Variants in SCAPER observed in about 807,000 individuals in gnomAD.
SCAPER encodes the protein S-phase cyclin A associated protein in the ER, also known as S phase cyclin A-associated protein in the endoplasmic reticulum.
Under a neutral mutation model 182.2 loss-of-function variants are expected in SCAPER, and 98 were observed. The observed-to-expected ratio is 0.54, with a 90% confidence interval of 0.46 to 0.64. The LOEUF is 0.64. SCAPER is among the 30% of genes least tolerant of loss of function. The pLI, the probability that SCAPER is intolerant of heterozygous loss-of-function variation, is 0.00. For synonymous variants in SCAPER, 605 were observed against 564.6 expected, an observed-to-expected ratio of 1.07 and a Z score of -1.01; for missense variants, 1,432 against 1,690.0, an observed-to-expected ratio of 0.85 and a Z score of 2.68.
chr15:76,520,678 A>T (rs998144512), intron 23 of SCAPER, among the ~76,000 whole-genome samples: 8 of 152,056 alleles, frequency 5.3e-5, no homozygotes, highest in African/African-American at 1.4e-4. Context: ...ACTGTCTCAT[A>T]TCACAACAGC....
chr15:76,648,523 CA>C (rs1214831814), intron 21 of SCAPER, among the ~76,000 whole-genome samples: 1 of 152,120 alleles, frequency 6.6e-6, no homozygotes, highest in African/African-American at 2.4e-5. Context: ...CTCACAGATT[CA>C]AAAAGCTAAA....
At chr15:76,505,274 A>G (rs909881841) in intron 23 of SCAPER, among the ~76,000 whole-genome samples, 2 of 152,184 alleles carry the variant, frequency 1.3e-5, no homozygotes, top group African/African-American at 4.8e-5. Context: ...AAGCTTCTGC[A>G]CAGCAAAGGA....
chr15:76,569,252 A>T (rs906584124), intron 23 of SCAPER, among the ~76,000 whole-genome samples: 1 of 152,146 alleles, frequency 6.6e-6, no homozygotes, highest in South Asian at 2.1e-4. Flanking sequence ...ATGAATCTTT[A>T]TCATTAATTG....
intron 21 of SCAPER, among the ~76,000 whole-genome samples, chr15:76,644,357 T>G (rs2054361140): frequency 6.6e-6 from 1 of 152,218 alleles, no homozygotes; most frequent in Non-Finnish European, 1.5e-5. Context: ...TAAAAATGTG[T>G]TATTCATGTG....
intron 26 of SCAPER, among the ~76,000 whole-genome samples, chr15:76,430,374 C>T (rs368092593): frequency 3.3e-5 from 5 of 152,172 alleles, no homozygotes; most frequent in African/African-American, 1.2e-4. Flanking sequence ...GCTTGCACCA[C>T]GTGCCTGGAA....
chr15:76,365,084 G>T (rs936500354), intron 29 of SCAPER, among the ~76,000 whole-genome samples: 1 of 152,132 alleles, frequency 6.6e-6, no homozygotes, highest in African/African-American at 2.4e-5. Flanking sequence ...TATCCTGGAT[G>T]TCTGGAACAG....
intron 29 of SCAPER, among the ~76,000 whole-genome samples, chr15:76,361,977 A>AT (rs879355870): frequency 0.01 from 1,444 of 143,994 alleles, 4 homozygotes; most frequent in African/African-American, 0.024. Context: ...TGTTAAACAC[A>AT]TTTTTTTTTT....
At chr15:76,459,099 A>C (rs2048958782) in intron 25 of SCAPER, among the ~76,000 whole-genome samples, 2 of 151,920 alleles carry the variant, frequency 1.3e-5, no homozygotes, top group Non-Finnish European at 2.9e-5. Flanking sequence ...CTATGTTGCC[A>C]AGGCTGGTCT....
intron 20 of SCAPER, among the ~76,000 whole-genome samples, chr15:76,674,158 T>C (rs1192604520): frequency 1.3e-5 from 2 of 152,110 alleles, no homozygotes; most frequent in Non-Finnish European, 2.9e-5. Flanking sequence ...AAATAATAAA[T>C]GAAAATGAAA....
At chr15:76,442,514 C>G (rs1596644164) in intron 25 of SCAPER, among the ~76,000 whole-genome samples, 1 of 152,304 alleles carries the variant, frequency 6.6e-6, no homozygotes, top group East Asian at 1.9e-4. Flanking sequence ...CTGCTGCTAC[C>G]AGCATGACTT....
intron 23 of SCAPER, among the ~76,000 whole-genome samples, chr15:76,543,328 T>C (rs2144788170): frequency 6.6e-6 from 1 of 152,342 alleles, no homozygotes; most frequent in Admixed American, 6.5e-5. Context: ...AAATTGGTTG[T>C]AGGTTTAAGG....
intron 27 of SCAPER, among the ~76,000 whole-genome samples, chr15:76,390,521 G>A (rs966282996): frequency 6.6e-6 from 1 of 152,142 alleles, no homozygotes; most frequent in African/African-American, 2.4e-5. Context: ...GAAAACGAAG[G>A]GTGAATGGAT....
At chr15:76,660,972 T>C (rs992344775) in intron 21 of SCAPER, among the ~76,000 whole-genome samples, 3 of 152,094 alleles carry the variant, frequency 2.0e-5, no homozygotes, top group African/African-American at 7.2e-5. Context: ...TAAATGATAT[T>C]CCATGTGTAA....
chr15:76,471,289 A>G lies in SCAPER; in HGVS notation c.3001T>C (p.Cys1001Arg). ...AGAACATCACTGCAGTTTTCTGAAC[A>G]GTTATTGCAGGTGAGGTTGTAAACA... ...INVYNLTCNNCSENCSDVLFS... is the reference protein window; with the variant it reads ...INVYNLTCNNRSENCSDVLFS... Residue 1001 changes from cysteine to arginine, a missense_variant, in exon 25 of 32, where the codon TGT becomes CGT. Around this residue, in one of 5 missense-constraint regions of SCAPER, gnomAD observed 718 missense variants for 799.7 expected, o/e 0.90. Transcript: ENST00000563290. 6.2e-7 allele frequency: 1 copy of G among 1,612,494 alleles called. No individual in the cohort carries two copies. The highest frequency in any genetic ancestry group is 8.5e-7 in the Non-Finnish European group (1 of 1,179,110).
At chr15:76,658,284 C>A (rs1021515403) in intron 21 of SCAPER, among the ~76,000 whole-genome samples, 2 of 151,986 alleles carry the variant, frequency 1.3e-5, no homozygotes, top group African/African-American at 4.8e-5. Context: ...AGCTGAGGGC[C>A]AATTCAAGAA....
rs2042482506 is a variant in SCAPER, at chr15:76,517,058, T to A, written c.2839-12084A>T. 2.0e-5 allele frequency among the ~76,000 whole-genome samples: 3 copies of A among 152,098 alleles called. No homozygotes were observed. The South Asian group carries it at 6.2e-4, about 32-fold the overall frequency. On this transcript the variant is annotated intron_variant, in intron 23 of 31. Coordinates refer to ENST00000563290, the MANE Select transcript of SCAPER (RefSeq NM_020843.4). ...AGAGGTAGCAGAGCTGGGGACTGAGTCTAGGTTTATCTGATTTCTGAGTGT... is the reference window on the plus strand; with the variant it reads ...AGAGGTAGCAGAGCTGGGGACTGAGACTAGGTTTATCTGATTTCTGAGTGT...
intron 24 of SCAPER, among the ~76,000 whole-genome samples, chr15:76,484,089 A>C (rs1024407567): frequency 3.3e-5 from 5 of 152,228 alleles, no homozygotes; most frequent in African/African-American, 1.2e-4. Context: ...GAAGCAACTA[A>C]GCTATCCTTC....
chr15:76,903,776 G>C (rs2074926637), intron 1 of SCAPER, among the ~76,000 whole-genome samples: 1 of 152,178 alleles, frequency 6.6e-6, no homozygotes, highest in Admixed American at 6.5e-5. Context: ...CATTTGTTGA[G>C]GGCTTACCAT....
chr15:76,722,976 G>T (rs560493747), intron 17 of SCAPER, among the ~76,000 whole-genome samples: 173 of 152,176 alleles, frequency 1.1e-3, no homozygotes, highest in South Asian at 8.3e-3. Context: ...GCTAGCTTTT[G>T]AATGTGTTTG....
Sources: gnomAD v4.1 joint callset for allele counts (sites outside exome capture counted in the v4.1 genomes callset) on GRCh38, gnomAD v4.1.1 for gene constraint, gnomAD v4.1.1 regional missense constraint, MANE v1.5 for transcripts, NCBI Gene and HGNC (gene_info 2026-07-23, HGNC 2026-07-21) for gene names.